PCDHGA1: variants seen among roughly 807,000 people sequenced by gnomAD.
PCDHGA1 encodes protocadherin gamma-A1.
PCDHGA1 carries 32 observed loss-of-function variants against 58.0 expected under a neutral mutation model. That is an observed-to-expected ratio of 0.55 (90% CI 0.42 to 0.74). The LOEUF (loss-of-function observed/expected upper bound fraction) is 0.74. Among genes scored for constraint, PCDHGA1 ranks in the 30% least tolerant of loss-of-function variants. PCDHGA1 has a pLI of 0.00. For synonymous variants in PCDHGA1, 498 were observed against 501.1 expected, an observed-to-expected ratio of 0.99 and a Z score of 0.08; for missense variants, 1,205 against 1,182.3, an observed-to-expected ratio of 1.02 and a Z score of -0.28.
chr5:141,360,844 G>A (rs1164038678), intron 1 of PCDHGA1: 1 of 1,613,980 alleles, frequency 6.2e-7, no homozygotes, highest in South Asian at 1.1e-5. Context: ...GGATGCCAAC[G>A]ATAACCCTCC....
intron 1 of PCDHGA1, chr5:141,428,184 C>G: frequency 6.8e-7 from 1 of 1,463,674 alleles, no homozygotes; most frequent in Middle Eastern, 1.7e-4. Flanking sequence ...GGAGGACAGC[C>G]GCCGCTCTCT....
At chr5:141,436,105 A>G (rs2097796181) in intron 1 of PCDHGA1, among the ~76,000 whole-genome samples, 2 of 152,198 alleles carry the variant, frequency 1.3e-5, no homozygotes, top group African/African-American at 4.8e-5. Context: ...GAAATAGAGG[A>G]CAATGAAACC....
At chr5:141,468,402 T>A (rs2154569909) in intron 1 of PCDHGA1, 1 of 150,014 alleles carries the variant, frequency 6.7e-6, no homozygotes, top group East Asian at 2.0e-4. Context: ...TGGTGAGAAC[T>A]AATAATAAGT....
At chr5:141,374,954 AT>A in intron 1 of PCDHGA1, 1 of 1,613,990 alleles carries the variant, frequency 6.2e-7, no homozygotes, top group East Asian at 2.2e-5. Flanking sequence ...GATCTCACAA[AT>A]TTTCTGTTTG....
At chr5:141,394,407 G>A in intron 1 of PCDHGA1, 1 of 1,614,240 alleles carries the variant, frequency 6.2e-7, no homozygotes, top group Admixed American at 1.7e-5. Context: ...GCAGCTACTG[G>A]TAACAGCCAG....
intron 1 of PCDHGA1, chr5:141,341,178 A>C: frequency 6.2e-7 from 1 of 1,613,658 alleles, no homozygotes; most frequent in Non-Finnish European, 8.5e-7. Flanking sequence ...ACAGGCATGC[A>C]GAGCTCGCAC....
intron 1 of PCDHGA1, among the ~76,000 whole-genome samples, chr5:141,336,688 A>G (rs1371409964): frequency 2.0e-5 from 3 of 152,218 alleles, no homozygotes; most frequent in Non-Finnish European, 4.4e-5. Context: ...TACAACTCTT[A>G]GAAGAAAACA....
At position 141,511,648 on chromosome 5, in the gene PCDHGA1, G is replaced by T. The variant is rs553080689; in HGVS notation, c.*475G>T. The T allele has an allele frequency of 1.4e-5, 3 of 214,700 alleles. No homozygotes were observed. Among genetic ancestry groups the T allele is most frequent in the East Asian group, 2.1e-4 (2 of 9,414 alleles). The allele number at this position is 214,700 out of a possible 1,614,324, so 13.3% of individuals were successfully genotyped here. A position where few individuals can be genotyped will look rare whatever the true frequency, so the allele number is the denominator to read the frequency against. On this transcript the variant is annotated 3_prime_UTR_variant, in exon 4 of 4. Coordinates refer to ENST00000517417, the MANE Select transcript of PCDHGA1 (RefSeq NM_018912.3). ...AGTTGGAAGGGCATCATGACCTCTTGGCCTCTCCTTTGATTCTCAATCTTC... is the reference window on the plus strand; with the variant it reads ...AGTTGGAAGGGCATCATGACCTCTTTGCCTCTCCTTTGATTCTCAATCTTC...
At chr5:141,380,758 T>C (rs1382076690) in intron 1 of PCDHGA1, among the ~76,000 whole-genome samples, 1 of 152,222 alleles carries the variant, frequency 6.6e-6, no homozygotes, top group Non-Finnish European at 1.5e-5. Flanking sequence ...CAAGACACTA[T>C]AAATTAATTG....
chr5:141,374,563 T>G, intron 1 of PCDHGA1: 1 of 1,613,710 alleles, frequency 6.2e-7, no homozygotes, highest in South Asian at 1.1e-5. Context: ...TCTATGACCC[T>G]GATGTGGGAA....
In PCDHGA1 at chr5:141,477,681, T is replaced by G; in HGVS notation, c.2422-17126T>G. On this transcript the variant is annotated intron_variant, in intron 1 of 3. Transcript: ENST00000517417. This position sits in a 1 kb window ranked among gnomAD's most constrained non-coding sequence, Gnocchi z 4.9. ...CGTGACAATGGCATAGTGTCATCCT[T>G]AGTGCCCCTAGACTATGAGGATCGG... 1 of 1,614,180 alleles carries G rather than the reference T, an allele frequency of 6.2e-7. No individual in the cohort carries two copies. Among genetic ancestry groups the G allele is most frequent in the Non-Finnish European group, 8.5e-7 (1 of 1,180,046 alleles).
chr5:141,422,686 C>T, intron 1 of PCDHGA1: 1 of 1,605,000 alleles, frequency 6.2e-7, no homozygotes, highest in East Asian at 2.2e-5. Flanking sequence ...ACAGAATGCC[C>T]TGGTCACTTA....
intron 1 of PCDHGA1, chr5:141,360,110 G>A (rs1180892188): frequency 1.3e-6 from 2 of 1,563,150 alleles, no homozygotes; most frequent in Non-Finnish European, 1.7e-6. Context: ...TCCTCCTATG[G>A]GCAAAGGAGC....
In PCDHGA1 at chr5:141,423,718, A is replaced by G. The variant is rs1450410707; in HGVS notation, c.2422-71089A>G. The G allele has an allele frequency of 4.8e-6, 5 of 1,049,028 alleles. No homozygotes were observed. In the East Asian group the frequency reaches 2.9e-4, roughly 60 times the overall value. 65.0% of individuals were successfully genotyped at this position (1,049,028 alleles called of 1,614,324 possible). On this transcript the variant is annotated intron_variant, in intron 1 of 3. Coordinates refer to ENST00000517417, the MANE Select transcript of PCDHGA1 (RefSeq NM_018912.3). The stretch of plus-strand genomic sequence containing the variant: ...GTGTCTTGGCACAAGTCTTTTAAGG[A>G]GATGTTTTTTGAGCCTGTTATGAAA...
rs1415142555 is a variant in PCDHGA1, at chr5:141,476,011, A to G, written c.2422-18796A>G. The G allele has an allele frequency of 7.6e-7, 1 of 1,311,282 alleles. No individual in the cohort carries two copies. The highest frequency in any genetic ancestry group is 1.0e-6 in the Non-Finnish European group (1 of 962,238). 81.2% of individuals were successfully genotyped at this position (1,311,282 alleles called of 1,614,324 possible). ...GCAAATCAACGGCATCCAGAAAGCC[A>G]TGTCGGACTCGGCGCCCAGCGCCCA... On this transcript the variant is annotated intron_variant, in intron 1 of 3. Coordinates refer to ENST00000517417, the MANE Select transcript of PCDHGA1 (RefSeq NM_018912.3). This position sits in a 1 kb window ranked among gnomAD's most constrained non-coding sequence, Gnocchi z 7.6.
intron 1 of PCDHGA1, chr5:141,370,337 G>A: frequency 6.9e-7 from 1 of 1,448,610 alleles, no homozygotes; most frequent in Non-Finnish European, 9.3e-7. Context: ...AGAACTCTTG[G>A]GATTATTTAA....
chr5:141,427,995 G>C (rs1292989797), intron 1 of PCDHGA1: 2 of 1,599,590 alleles, frequency 1.3e-6, no homozygotes, highest in African/African-American at 2.7e-5. Flanking sequence ...CGATGGCTCC[G>C]CACTCTTCGA....
chr5:141,344,743 A>T (rs1757464536), intron 1 of PCDHGA1: 2 of 1,614,002 alleles, frequency 1.2e-6, no homozygotes, highest in Non-Finnish European at 1.7e-6. Flanking sequence ...GATGCAAATG[A>T]CAACCCACCA....
rs766182165 is a variant in PCDHGA1 at position 141,478,048 on chromosome 5, C to T, written c.2422-16759C>T. ...ACACAGATTCACCCAGGCAGACTCT[C>T]ACGGTCTTGATCAAAGACAATGGGG... On this transcript the variant is annotated intron_variant, in intron 1 of 3. Transcript: ENST00000517417. 5.6e-6 allele frequency: 9 copies of T among 1,614,040 alleles called. No homozygotes were observed. In the Admixed American group the frequency reaches 1.0e-4, roughly 18 times the overall value.
Sources: gnomAD v4.1 joint callset for allele counts (sites outside exome capture counted in the v4.1 genomes callset) on GRCh38, gnomAD v4.1.1 for gene constraint, Gnocchi (gnomAD v3.1) non-coding constraint, MANE v1.5 for transcripts, NCBI Gene and HGNC (gene_info 2026-07-23, HGNC 2026-07-21) for gene names.